DSCAM: variants seen among roughly 807,000 people sequenced by gnomAD.
The protein encoded by DSCAM is DS cell adhesion molecule, also known as cell adhesion molecule DSCAM.
In DSCAM, 47 loss-of-function variants were observed where a neutral mutation model predicts 217.7. That is an observed-to-expected ratio of 0.22 (90% CI 0.17 to 0.28). The LOEUF (loss-of-function observed/expected upper bound fraction) is 0.28, where lower values mean the gene tolerates loss of function less well. Ranked by LOEUF, DSCAM falls within the 10% of genes least tolerant of loss-of-function variation. The pLI, the probability that DSCAM is intolerant of heterozygous loss-of-function variation, is 1.00. For synonymous variants in DSCAM, 1,056 were observed against 1,015.3 expected, an observed-to-expected ratio of 1.04 and a Z score of -0.76; for missense variants, 2,080 against 2,618.3, an observed-to-expected ratio of 0.79 and a Z score of 4.49.
chr21:40,155,594 CA>C lies in DSCAM; in HGVS notation c.3019-10864del, dbSNP rs561664848. Among the ~76,000 whole-genome samples, 57 of 152,128 alleles carry C rather than the reference CA, an allele frequency of 3.7e-4. No individual in the cohort carries two copies. In the South Asian group the frequency reaches 0.011, roughly 30 times the overall value. On this transcript the variant is annotated intron_variant, in intron 16 of 32. Transcript: ENST00000400454. ...TAAACAAGCACAAGAGGCAGGATTT[CA>C]AAGGCATGGTCATGGGGCCATGAAA...
At chr21:40,780,441 A>ATATATATATATATATATATATCTATATC (rs1407749651) in intron 1 of DSCAM, among the ~76,000 whole-genome samples, 3 of 141,312 alleles carry the variant, frequency 2.1e-5, no homozygotes, top group Non-Finnish European at 4.7e-5. Context: ...ATATATATAT[A>ATATATATATATATATATATATCTATATC]TATATATCTC....
At chr21:40,537,782 C>G (rs746027873) in intron 3 of DSCAM, among the ~76,000 whole-genome samples, 1 of 152,180 alleles carries the variant, frequency 6.6e-6, no homozygotes, top group Non-Finnish European at 1.5e-5. Context: ...TCAGAGGGAA[C>G]CAGCCCTGCT....
intron 11 of DSCAM, among the ~76,000 whole-genome samples, chr21:40,214,140 A>G (rs1286462859): frequency 6.6e-6 from 1 of 152,148 alleles, no homozygotes; most frequent in Non-Finnish European, 1.5e-5. Flanking sequence ...GCTCCTAAGG[A>G]TTTCAGGTAG....
intron 15 of DSCAM, among the ~76,000 whole-genome samples, chr21:40,176,389 G>C (rs2090731543): frequency 6.6e-6 from 1 of 152,024 alleles, no homozygotes; most frequent in Admixed American, 6.6e-5. Context: ...TGGGCTGACA[G>C]CTTCCGGAGG....
chr21:40,785,987 A>G (rs2123447420), intron 1 of DSCAM, among the ~76,000 whole-genome samples: 1 of 152,346 alleles, frequency 6.6e-6, no homozygotes, highest in South Asian at 2.1e-4. Flanking sequence ...CTGTAATCCC[A>G]GCACTTTGGG....
chr21:40,640,119 A>G (rs1482741671), intron 3 of DSCAM, among the ~76,000 whole-genome samples: 1 of 122,102 alleles, frequency 8.2e-6, no homozygotes, highest in African/African-American at 2.8e-5. Flanking sequence ...TCTGGAGAAA[A>G]CCCACCTCAA....
intron 3 of DSCAM, among the ~76,000 whole-genome samples, chr21:40,552,227 T>C (rs532072443): frequency 6.6e-6 from 1 of 152,212 alleles, no homozygotes; most frequent in Non-Finnish European, 1.5e-5. Context: ...GGCAGAAGAA[T>C]TGCTTGAACC....
chr21:40,019,475 G>C (rs1282459088), intron 32 of DSCAM, among the ~76,000 whole-genome samples: 2 of 152,222 alleles, frequency 1.3e-5, no homozygotes, highest in Admixed American at 6.5e-5. Context: ...GAGTAACTTA[G>C]ATAATGCATG....
chr21:40,188,612 C>T lies in DSCAM; in HGVS notation c.2553+430G>A, dbSNP rs955297279. Among the ~76,000 whole-genome samples, 20 of 152,008 alleles carry T rather than the reference C, an allele frequency of 1.3e-4. No homozygotes were observed. In the East Asian group the frequency reaches 2.1e-3, roughly 16 times the overall value. On this transcript the variant is annotated intron_variant, in intron 12 of 32. Transcript: ENST00000400454. ...TCTAGCTTTTGTGATCCTCTTTTAA[C>T]GACAGATTTTTTTTTTATTGTGGAT... is the stretch of plus-strand genomic sequence containing the variant.
At chr21:40,491,595 C>A (rs964282668) in intron 3 of DSCAM, among the ~76,000 whole-genome samples, 5 of 152,104 alleles carry the variant, frequency 3.3e-5, no homozygotes, top group Non-Finnish European at 7.4e-5. Flanking sequence ...CCCCAGGTAA[C>A]CTGTCTCCCA....
intron 3 of DSCAM, among the ~76,000 whole-genome samples, chr21:40,429,969 A>G (rs2075514821): frequency 6.6e-6 from 1 of 152,242 alleles, no homozygotes; most frequent in African/African-American, 2.4e-5. Context: ...AAGAGCCTTC[A>G]GAGCAACTCT....
At chr21:40,147,681 A>G (rs1002101804) in intron 16 of DSCAM, among the ~76,000 whole-genome samples, 3 of 152,186 alleles carry the variant, frequency 2.0e-5, no homozygotes, top group Non-Finnish European at 4.4e-5. Context: ...TATCTAAAGT[A>G]AAGTGTTTTG....
At chr21:40,595,118 C>G (rs1479384035) in intron 3 of DSCAM, among the ~76,000 whole-genome samples, 1 of 152,148 alleles carries the variant, frequency 6.6e-6, no homozygotes, top group African/African-American at 2.4e-5. Flanking sequence ...ATATCCATGC[C>G]TATAATTCCA....
In DSCAM at chr21:40,312,339, AG is replaced by A; in HGVS notation, c.1803del (p.Phe602LeufsTer42). The A allele has an allele frequency of 6.2e-7, 1 of 1,613,864 alleles. No individual in the cohort carries two copies. Among genetic ancestry groups the A allele is most frequent in the Non-Finnish European group, 8.5e-7 (1 of 1,179,830 alleles). On this transcript the variant is annotated frameshift_variant, in exon 9 of 33. Transcript: ENST00000400454. LOFTEE classifies it high-confidence loss of function. ...VTVKVPPFIQ[P>X]FEFPRFSIGQ... is the part of the protein sequence containing the mutation. The stretch of plus-strand genomic sequence containing the variant: ...CCAATGGAGAATCTTGGAAACTCAA[AG>A]GGTTGTATGAAAGGCGGAACTGCAA...
intron 1 of DSCAM, among the ~76,000 whole-genome samples, chr21:40,789,964 A>T (rs1034902103): frequency 1.2e-4 from 18 of 152,194 alleles, no homozygotes; most frequent in South Asian, 1.0e-3. Context: ...CAAAGTCTAT[A>T]TGGCTCTGAT....
intron 6 of DSCAM, among the ~76,000 whole-genome samples, chr21:40,340,217 T>C (rs1425758274): frequency 1.3e-5 from 2 of 152,100 alleles, no homozygotes; most frequent in Non-Finnish European, 2.9e-5. Context: ...AAAGGACTAA[T>C]AATTATGCCA....
chr21:40,440,129 G>A (rs896987152), intron 3 of DSCAM, among the ~76,000 whole-genome samples: 43 of 152,356 alleles, frequency 2.8e-4, no homozygotes, highest in African/African-American at 9.9e-4. Context: ...CAGTGGCCAT[G>A]GTGAGATAGC....
At chr21:40,844,751 G>A (rs980849225) in intron 1 of DSCAM, among the ~76,000 whole-genome samples, 20 of 151,254 alleles carry the variant, frequency 1.3e-4, no homozygotes, top group African/African-American at 4.7e-4. Flanking sequence ...CTCTGTATCA[G>A]AGGCTAATAG....
rs545822351 is a variant in DSCAM, at chr21:40,379,565, ATC to A, written c.509-10322_509-10321del. Among the ~76,000 whole-genome samples, 359 of 152,232 alleles carry A rather than the reference ATC, an allele frequency of 2.4e-3. 1 individual carries two copies. The highest frequency in any genetic ancestry group is 3.2e-3 in the Non-Finnish European group (221 of 68,024). ...AAAAGTTGAATCTGCCATGTAGCTG[ATC>A]TCTGTCTCTTCCTGAACTTCTGTGA... On this transcript the variant is annotated intron_variant, in intron 3 of 32. Transcript: ENST00000400454.
Sources: allele counts gnomAD v4.1 joint callset (sites outside exome capture counted in the v4.1 genomes callset), GRCh38; gene constraint gnomAD v4.1.1; transcripts MANE v1.5; gene names NCBI Gene and HGNC (gene_info 2026-07-23, HGNC 2026-07-21).